Variants in DCDC1 observed in about 807,000 individuals in gnomAD.
DCDC1 encodes doublecortin domain containing 1, also known as doublecortin domain-containing protein 1.
In DCDC1, 200 loss-of-function variants were observed where a neutral mutation model predicts 178.3. The observed-to-expected ratio is 1.12, with a 90% CI of 1.00 to 1.26. The LOEUF (loss-of-function observed/expected upper bound fraction) is 1.26. Ranked by LOEUF, DCDC1 falls within the 50% of genes most tolerant of loss-of-function variation. The probability of loss-of-function intolerance (pLI) is 0.00; values close to 1 mark genes in which losing one functional copy is unlikely to be tolerated. For missense variants in DCDC1, 1,983 were observed against 1,749.2 expected (o/e 1.13, Z -2.38); for synonymous variants, 690 against 604.8 (o/e 1.14, Z -2.07).
intron 31 of DCDC1, 67 bp from the exon 32 acceptor site, chr11:30,903,750 C>T: frequency 2.4e-6 from 3 of 1,250,620 alleles, no homozygotes; most frequent in Non-Finnish European, 3.2e-6. Flanking sequence ...TCATTAAGAG[C>T]TTGTCATTCT....
At chr11:31,033,981 T>G (rs1269791155) in intron 20 of DCDC1, among the ~76,000 whole-genome samples, 1 of 137,018 alleles carries the variant, frequency 7.3e-6, no homozygotes, top group South Asian at 2.1e-4. Context: ...CTGTCTCTAG[T>G]AGAAATATAA....
chr11:30,878,479 T>C, intron 38 of DCDC1, 65 bp downstream of exon 38: 4 of 1,341,634 alleles, frequency 3.0e-6, no homozygotes, highest in Non-Finnish European at 3.9e-6. Context: ...GGGAACTGCA[T>C]GAAAATAAAA....
intron 20 of DCDC1, among the ~76,000 whole-genome samples, chr11:30,964,785 T>A (rs1051844408): frequency 2.6e-5 from 4 of 152,142 alleles, no homozygotes; most frequent in Non-Finnish European, 4.4e-5. Context: ...TCTTCACCCT[T>A]AACACAAGTG....
chr11:31,281,716 A>G (rs564347843), intron 7 of DCDC1, among the ~76,000 whole-genome samples: 29 of 152,106 alleles, frequency 1.9e-4, no homozygotes, highest in Non-Finnish European at 3.7e-4. Flanking sequence ...GGTTGTGAAT[A>G]AGTCTCACAA....
chr11:31,114,232 G>A (rs1373807714), intron 11 of DCDC1, among the ~76,000 whole-genome samples: 4 of 152,096 alleles, frequency 2.6e-5, no homozygotes, highest in Admixed American at 6.6e-5. Context: ...TCAAAATCAC[G>A]TGGTATAAGA....
intron 6 of DCDC1, among the ~76,000 whole-genome samples, chr11:31,296,054 T>C (rs1947661833): frequency 6.6e-6 from 1 of 152,118 alleles, no homozygotes; most frequent in African/African-American, 2.4e-5. Flanking sequence ...CTCTTGGAAC[T>C]AGTTTTTGAA....
chr11:31,222,063 T>C (rs1385289295), intron 9 of DCDC1, among the ~76,000 whole-genome samples: 1 of 152,132 alleles, frequency 6.6e-6, no homozygotes, highest in Admixed American at 6.6e-5. Context: ...GTTTTGTTTT[T>C]TGTTTTTTGT....
chr11:30,869,792 C>T (rs535538601), intron 38 of DCDC1, among the ~76,000 whole-genome samples: 54 of 152,268 alleles, frequency 3.5e-4, no homozygotes, highest in African/African-American at 1.1e-3. Context: ...GACTTCAGAG[C>T]CAGGGGACCT....
chr11:31,359,737 T>A (rs1951609966), intron 1 of DCDC1, among the ~76,000 whole-genome samples: 1 of 152,226 alleles, frequency 6.6e-6, no homozygotes, highest in Non-Finnish European at 1.5e-5. Context: ...CTCTTTTCTG[T>A]ACATTTTCCC....
intron 17 of DCDC1, among the ~76,000 whole-genome samples, chr11:31,088,244 GTTGT>G (rs1957596338): frequency 6.6e-6 from 1 of 151,940 alleles, no homozygotes; most frequent in Non-Finnish European, 1.5e-5. Context: ...ATAGATGGAT[GTTGT>G]TTTTTATCTA....
At chr11:31,188,062 T>G (rs1330716) in intron 9 of DCDC1, among the ~76,000 whole-genome samples, 13,924 of 152,130 alleles carry the variant, frequency 0.092, 1,757 homozygotes, top group African/African-American at 0.28. Context: ...ACCTCTGAGC[T>G]CAAGGGATCC....
intron 20 of DCDC1, among the ~76,000 whole-genome samples, chr11:31,029,703 C>G (rs1953492765): frequency 6.6e-6 from 1 of 152,070 alleles, no homozygotes; most frequent in African/African-American, 2.4e-5. Flanking sequence ...CATGATTCTA[C>G]CTGATACTTC....
intron 12 of DCDC1, among the ~76,000 whole-genome samples, chr11:31,109,923 C>T (rs951446306): frequency 4.6e-5 from 7 of 152,036 alleles, no homozygotes; most frequent in African/African-American, 1.7e-4. Flanking sequence ...TTTAGAAATA[C>T]CCTAGATCCA....
intron 6 of DCDC1, among the ~76,000 whole-genome samples, chr11:31,296,345 C>A (rs1290749497): frequency 6.6e-6 from 1 of 152,116 alleles, no homozygotes; most frequent in Admixed American, 6.5e-5. Context: ...CACTTTTAAA[C>A]CCATACTTCA....
chr11:30,989,371 A>G (rs1255286168), intron 20 of DCDC1, among the ~76,000 whole-genome samples: 1 of 152,212 alleles, frequency 6.6e-6, no homozygotes, highest in Non-Finnish European at 1.5e-5. Context: ...GATCATTTAT[A>G]TTCCTGAAGA....
chr11:31,116,224 T>C (rs567089826), intron 11 of DCDC1, among the ~76,000 whole-genome samples: 21 of 87,684 alleles, frequency 2.4e-4, no homozygotes, highest in Non-Finnish European at 4.1e-4. Context: ...CATTTTTAAC[T>C]ATAGATATCA....
chr11:30,915,830 T>C, intron 26 of DCDC1, 119 bp from the exon 27 acceptor site: 1 of 952,150 alleles, frequency 1.1e-6, no homozygotes, highest in Non-Finnish European at 1.6e-6. Context: ...ACACGTTAAC[T>C]TGAAATGATA....
intron 9 of DCDC1, among the ~76,000 whole-genome samples, chr11:31,211,028 A>G (rs1039766189): frequency 7.2e-5 from 11 of 152,164 alleles, no homozygotes; most frequent in Admixed American, 7.2e-4. Context: ...CAAGAGGCCA[A>G]ACTTACTTGG....
At chr11:31,156,146 A>G (rs1321465989) in intron 9 of DCDC1, 2 of 152,310 alleles carry the variant, frequency 1.3e-5, no homozygotes, top group East Asian at 1.9e-4. Flanking sequence ...AACTTAAATA[A>G]CAAGAGGGAA....
Sources: allele counts gnomAD v4.1 joint callset (sites outside exome capture counted in the v4.1 genomes callset), GRCh38; gene constraint gnomAD v4.1.1; transcripts MANE v1.5; gene names NCBI Gene and HGNC (gene_info 2026-07-23, HGNC 2026-07-21).